Variants in EGFL6 observed in about 807,000 individuals in gnomAD.
EGFL6 encodes the protein epidermal growth factor-like protein 6.
Under a neutral mutation model 43.1 loss-of-function variants are expected in EGFL6, and 42 were observed. The observed-to-expected ratio is 0.98, with a 90% CI of 0.76 to 1.26. The LOEUF is 1.26. EGFL6 is among the 50% of genes most tolerant of loss of function. The pLI is 0.00. For missense variants in EGFL6, 429 were observed against 427.8 expected (o/e 1.00, Z -0.02); for synonymous variants, 164 against 163.2 (o/e 1.01, Z -0.04).
At chrX:13,614,508 G>T (rs112121579) in intron 7 of EGFL6, among the ~76,000 whole-genome samples, 26 of 112,097 alleles carry the variant, frequency 2.3e-4, no homozygotes, top group African/African-American at 8.1e-4. Context: ...TTCCTCCTGG[G>T]TAAGATATTC....
intron 8 of EGFL6, among the ~76,000 whole-genome samples, chrX:13,618,937 G>A (rs2045734800): frequency 9.0e-6 from 1 of 111,717 alleles, no homozygotes; most frequent in African/African-American, 3.3e-5. Context: ...GATGTATCAA[G>A]AGTGTAGATG....
chrX:13,576,479 A>G (rs1043581550), intron 1 of EGFL6, among the ~76,000 whole-genome samples: 14 of 111,808 alleles, frequency 1.3e-4, no homozygotes, highest in Admixed American at 1.0e-3. Context: ...CTGTATCACC[A>G]GCCAATAAGA....
At chrX:13,596,804 G>A (rs1462172847) in intron 3 of EGFL6, among the ~76,000 whole-genome samples, 1 of 112,294 alleles carries the variant, frequency 8.9e-6, no homozygotes, top group Non-Finnish European at 1.9e-5. Flanking sequence ...AGAGATCAGG[G>A]ATGCTGCAAA....
intron 10 of EGFL6, 63 bp downstream of exon 10, chrX:13,623,988 G>A (rs939864721): frequency 1.4e-5 from 13 of 899,822 alleles, no homozygotes; most frequent in Admixed American, 2.4e-5. Context: ...CCCTCCATGA[G>A]TGATGGGTTG....
chrX:13,612,237 G>T, intron 7 of EGFL6, among the ~76,000 whole-genome samples: 1 of 108,750 alleles, frequency 9.2e-6, no homozygotes, highest in Admixed American at 9.7e-5. Flanking sequence ...AGATTAGGGA[G>T]TGGTGATGAC....
intron 3 of EGFL6, among the ~76,000 whole-genome samples, chrX:13,597,765 C>G (rs1299186334): frequency 9.2e-6 from 1 of 108,489 alleles, no homozygotes; most frequent in South Asian, 4.1e-4. Context: ...GCCTGGGCAA[C>G]AGAGCGAGAC....
chrX:13,608,258 G>A, intron 6 of EGFL6, 66 bp from the exon 7 acceptor site: 2 of 1,179,677 alleles, frequency 1.7e-6, no homozygotes, highest in Non-Finnish European at 2.3e-6. Flanking sequence ...AGTTGATCAA[G>A]TGTAAGGGTG....
rs911228165 is a variant in EGFL6, at chrX:13,603,357, T to G, written c.441T>G (p.Cys147Trp). Residue 147 changes from cysteine (C) to tryptophan (W), a missense_variant, in exon 5 of 12, where the codon TGT becomes TGG. Coordinates refer to ENST00000361306, the MANE Select transcript of EGFL6 (RefSeq NM_015507.4). ...TCAMINCQYS[C>W]EDTEEGPQCL... ...CCATGATAAACTGTCAGTACAGCTG[T>G]GAAGACACAGAAGAAGGGCCACAGT... is the stretch of plus-strand genomic sequence containing the variant. 8 of 1,209,360 alleles carry G rather than the reference T, an allele frequency of 6.6e-6. No individual in the cohort carries two copies. In the African/African-American group the frequency reaches 1.2e-4, roughly 18 times the overall value.
Position 13,623,906 on chromosome X carries a change from T to C in EGFL6, c.1266T>C (p.Asn422=). ...ATAGAGAAGATGATTTTGACTGGAA[T>C]CCTGCTGATCGAGATAATGGTATTT... ...KQDREDDFDW[N]PADRDNAIGF... The change falls in exon 10 of 12, where the codon AAT becomes AAC. Residue 422 remains asparagine (N), a synonymous_variant. Transcript: ENST00000361306. 8.3e-7 allele frequency: 1 copy of C among 1,200,570 alleles called. No individual in the cohort carries two copies. Among genetic ancestry groups the C allele is most frequent in the Non-Finnish European group, 1.1e-6 (1 of 885,463 alleles).
Position 13,600,070 on chromosome X carries a change from C to T in EGFL6, c.376C>T (p.Leu126Phe). 1 of 1,211,289 alleles carries T rather than the reference C, an allele frequency of 8.3e-7. No homozygotes were observed. Among genetic ancestry groups the T allele is most frequent in the Non-Finnish European group, 1.1e-6 (1 of 895,242 alleles). The change falls in exon 4 of 12, where the codon CTC becomes TTC. Residue 126 changes from leucine to phenylalanine, a missense_variant. Coordinates refer to ENST00000361306, the MANE Select transcript of EGFL6 (RefSeq NM_015507.4). Reference protein sequence around the residue: ...YKCFCLSGHMLMPDATCVNSR... With the variant: ...YKCFCLSGHMFMPDATCVNSR... The stretch of plus-strand genomic sequence containing the variant: ...GTGCTTTTGCCTCAGTGGCCACATG[C>T]TCATGCCAGATGCTACGTGTGTGAG...
intron 1 of EGFL6, among the ~76,000 whole-genome samples, chrX:13,576,094 C>A (rs778418328): frequency 8.9e-6 from 1 of 111,851 alleles, no homozygotes; most frequent in Non-Finnish European, 1.9e-5. Flanking sequence ...TAAAGAAATA[C>A]CTGAGACTGG....
At chrX:13,622,535 A>G (rs751908176) in intron 9 of EGFL6, among the ~76,000 whole-genome samples, 77 of 112,283 alleles carry the variant, frequency 6.9e-4, no homozygotes, top group African/African-American at 2.3e-3. Flanking sequence ...AATCAGAGCC[A>G]GAGGCTAGCC....
chrX:13,621,451 G>A (rs984176642), intron 9 of EGFL6, among the ~76,000 whole-genome samples: 1 of 112,094 alleles, frequency 8.9e-6, no homozygotes, highest in Non-Finnish European at 1.9e-5. Context: ...ATGAAAGCAA[G>A]GAAGGGCACC....
intron 2 of EGFL6, among the ~76,000 whole-genome samples, chrX:13,593,617 G>T (rs976881920): frequency 1.8e-5 from 2 of 111,809 alleles, no homozygotes; most frequent in Non-Finnish European, 3.8e-5. Context: ...AGCTGTGGTG[G>T]GGAAAGCAGG....
chrX:13,573,274 T>C (rs1382692727), intron 1 of EGFL6, among the ~76,000 whole-genome samples: 1 of 112,168 alleles, frequency 8.9e-6, no homozygotes, highest in Non-Finnish European at 1.9e-5. Context: ...TCTGTTGTTC[T>C]TATTTCTATG....
At position 13,569,769 on chromosome X, in the gene EGFL6, G is replaced by A; in HGVS notation, c.-93G>A. 2.2e-6 allele frequency: 2 copies of A among 894,990 alleles called. No homozygotes were observed. The highest frequency in any genetic ancestry group is 3.2e-6 in the Non-Finnish European group (2 of 616,775). 73.8% of individuals were successfully genotyped at this position (894,990 alleles called of 1,213,427 possible). A position where few individuals can be genotyped will look rare whatever the true frequency, so the allele number is the denominator to read the frequency against. On this transcript the variant is annotated 5_prime_UTR_variant, in exon 1 of 12. Coordinates refer to ENST00000361306, the MANE Select transcript of EGFL6 (RefSeq NM_015507.4). ...AGTGGAGCGGAGGACCCGAGCGGCT[G>A]AGGAGAGAGGAGGCGGCGGCTTAGC...
chrX:13,619,388 C>A, intron 9 of EGFL6, 145 bp downstream of exon 9: 1 of 501,089 alleles, frequency 2.0e-6, no homozygotes, highest in Non-Finnish European at 3.4e-6. Context: ...ACACACAGTG[C>A]CAGTATTAAA....
intron 11 of EGFL6, among the ~76,000 whole-genome samples, chrX:13,631,718 C>G (rs2045811888): frequency 1.8e-5 from 2 of 111,687 alleles, no homozygotes; most frequent in Non-Finnish European, 3.8e-5. Context: ...GCCTGGAAGG[C>G]AGAGGTTGCA....
chrX:13,594,970 T>C lies in EGFL6; in HGVS notation c.280+42T>C. The C allele has an allele frequency of 5.6e-6, 6 of 1,062,807 alleles. No individual in the cohort carries two copies. The South Asian group carries it at 1.0e-4, about 18-fold the overall frequency. 87.6% of individuals were successfully genotyped at this position (1,062,807 alleles called of 1,213,427 possible). A position where few individuals can be genotyped will look rare whatever the true frequency, so the allele number is the denominator to read the frequency against. On this transcript the variant is annotated intron_variant, in intron 3 of 11. Coordinates refer to ENST00000361306, the MANE Select transcript of EGFL6 (RefSeq NM_015507.4). ...AGGGTCATAGTTCAAATTCAATCAT[T>C]GCAGCAGGGCTGGCGACTCAATATG...
Sources: gnomAD v4.1 joint callset for allele counts (sites outside exome capture counted in the v4.1 genomes callset) on GRCh38, gnomAD v4.1.1 for gene constraint, MANE v1.5 for transcripts, NCBI Gene and HGNC (gene_info 2026-07-23, HGNC 2026-07-21) for gene names.